Variants in PHYHD1 observed in about 807,000 individuals in gnomAD.
PHYHD1 encodes the protein phytanoyl-CoA dioxygenase domain containing 1.
A neutral mutation model predicts 43.6 loss-of-function variants in PHYHD1; 42 were observed. The ratio of observed to expected loss-of-function variants is 0.96; its 90% CI spans 0.75 to 1.25. PHYHD1 has a LOEUF of 1.25. Among genes scored for constraint, PHYHD1 ranks in the 50% most tolerant of loss-of-function variants. The probability of loss-of-function intolerance (pLI) is 0.00; values close to 1 mark genes in which losing one functional copy is unlikely to be tolerated. For synonymous variants in PHYHD1, 139 were observed against 143.6 expected, an observed-to-expected ratio of 0.97 and a Z score of 0.23; for missense variants, 342 against 370.8, an observed-to-expected ratio of 0.92 and a Z score of 0.64.
rs117196313 is a variant in PHYHD1, at chr9:128,935,921, A to T, written c.317-527A>T. Among the ~76,000 whole-genome samples, 368 of 152,222 alleles carry T rather than the reference A, an allele frequency of 2.4e-3. 7 individuals carry two copies. In the East Asian group the frequency reaches 0.041, roughly 17 times the overall value. ...CATCTCAAAACTAAATAAATAAATA[A>T]AAATAAAAAGTACATAGCTCAGTGG... On this transcript the variant is annotated intron_variant, in intron 6 of 12. Coordinates refer to ENST00000372592, the MANE Select transcript of PHYHD1 (RefSeq NM_001100876.2).
At chr9:128,922,844 C>T (rs936092929) in intron 3 of PHYHD1, among the ~76,000 whole-genome samples, 8 of 151,972 alleles carry the variant, frequency 5.3e-5, no homozygotes. Context: ...TCTGTTACAA[C>T]AGCTACCACG....
At chr9:128,936,694 C>A in intron 8 of PHYHD1, 49 bp downstream of exon 8, 1 of 1,534,450 alleles carries the variant, frequency 6.5e-7, no homozygotes, top group Non-Finnish European at 8.8e-7. Context: ...AATGGGCAGA[C>A]TGCTCATACC....
intron 4 of PHYHD1, among the ~76,000 whole-genome samples, chr9:128,932,178 A>ATTTTTT (rs200138931): frequency 1.6e-4 from 17 of 107,890 alleles, no homozygotes; most frequent in African/African-American, 6.3e-4. Flanking sequence ...TGTTATTATT[A>ATTTTTT]TTATTATTTT....
At chr9:128,922,566 T>G (rs569946978) in intron 3 of PHYHD1, among the ~76,000 whole-genome samples, 36 of 151,690 alleles carry the variant, frequency 2.4e-4, no homozygotes, top group South Asian at 1.9e-3. Flanking sequence ...TAGGGTGGGG[T>G]GGGGACGTGT....
rs902350479 is a variant in PHYHD1, at chr9:128,932,988, C to T, written c.193-794C>T. 2.6e-4 allele frequency among the ~76,000 whole-genome samples: 40 copies of T among 151,196 alleles called. No individual in the cohort carries two copies. The East Asian group carries it at 3.9e-3, about 15-fold the overall frequency. On this transcript the variant is annotated intron_variant, in intron 4 of 12. Transcript: ENST00000372592. ...TCAGCCTCCGGAGTAGCTGGGACTA[C>T]AGGTGCCTGCCACCATGCCCGGCTA...
rs762747886 is a variant in PHYHD1 at position 128,936,455 on chromosome 9, C to A, written c.324C>A (p.His108Gln). Reference protein sequence around the residue: ...KSINKIGHALHAHDPVFKSIT... With the variant: ...KSINKIGHALQAHDPVFKSIT... ...CTTCCTTCTGTCCCATAGCTCTGCACGCCCACGACCCCGTCTTCAAGAGCA... is the reference window on the plus strand; with the variant it reads ...CTTCCTTCTGTCCCATAGCTCTGCAAGCCCACGACCCCGTCTTCAAGAGCA... Residue 108 changes from histidine (H) to glutamine (Q), a missense_variant, in exon 7 of 13, where the codon CAC (histidine) becomes CAA (glutamine). By Grantham distance (24) the His-to-Gln change is conservative. Coordinates refer to ENST00000372592, the MANE Select transcript of PHYHD1 (RefSeq NM_001100876.2). The A allele has an allele frequency of 2.5e-6, 4 of 1,612,306 alleles. No homozygotes were observed. The highest frequency in any genetic ancestry group is 3.4e-6 in the Non-Finnish European group (4 of 1,179,470).
intron 3 of PHYHD1, among the ~76,000 whole-genome samples, chr9:128,923,507 G>T (rs2131093359): frequency 6.6e-6 from 1 of 152,330 alleles, no homozygotes; most frequent in African/African-American, 2.4e-5. Context: ...TCTTTGAGAG[G>T]AAATATGTTT....
At chr9:128,922,627 T>C (rs1820291562) in intron 3 of PHYHD1, among the ~76,000 whole-genome samples, 1 of 152,118 alleles carries the variant, frequency 6.6e-6, no homozygotes, top group Admixed American at 6.5e-5. Flanking sequence ...AGTTCAGCCC[T>C]GGGCGGGAGT....
Position 128,927,240 on chromosome 9 carries a change from G to A in PHYHD1, c.192+44G>A, listed in dbSNP as rs576717532. 57 of 1,608,666 alleles carry A rather than the reference G, an allele frequency of 3.5e-5. No homozygotes were observed. The South Asian group carries it at 5.8e-4, about 16-fold the overall frequency. On this transcript the variant is annotated intron_variant, in intron 4 of 12. Transcript: ENST00000372592. ...TGAGGATGGGATGTGGCTTTTGAGG[G>A]AGGGCTTGGTCCCCGGCCAGAGCAG...
chr9:128,924,558 G>A (rs1020285892), intron 3 of PHYHD1, among the ~76,000 whole-genome samples: 1 of 151,614 alleles, frequency 6.6e-6, no homozygotes, highest in African/African-American at 2.4e-5. Context: ...GCTGCAATGA[G>A]CTATGATCAC....
intron 8 of PHYHD1, among the ~76,000 whole-genome samples, chr9:128,936,877 G>T (rs190698876): frequency 8.5e-5 from 13 of 152,280 alleles, no homozygotes; most frequent in African/African-American, 2.6e-4. Flanking sequence ...CACTTTGGGA[G>T]GCTGAAGCGG....
At chr9:128,934,361 C>T (rs1352389826) in intron 6 of PHYHD1, among the ~76,000 whole-genome samples, 5 of 150,730 alleles carry the variant, frequency 3.3e-5, no homozygotes, top group Non-Finnish European at 5.9e-5. Context: ...GCACTCCAGC[C>T]TGCCTGGGTG....
chr9:128,924,988 G>A (rs1372075906), intron 3 of PHYHD1, among the ~76,000 whole-genome samples: 1 of 152,180 alleles, frequency 6.6e-6, no homozygotes, highest in African/African-American at 2.4e-5. Flanking sequence ...TGTATTTACT[G>A]GATCAAGGGT....
intron 3 of PHYHD1, among the ~76,000 whole-genome samples, chr9:128,925,705 T>C (rs1841115429): frequency 1.3e-5 from 2 of 152,068 alleles, no homozygotes; most frequent in Non-Finnish European, 2.9e-5. Context: ...GGATAGAATA[T>C]AGCTCCCAGC....
intron 3 of PHYHD1, among the ~76,000 whole-genome samples, chr9:128,923,314 C>T (rs1005286965): frequency 1.3e-5 from 2 of 152,078 alleles, no homozygotes; most frequent in Non-Finnish European, 2.9e-5. Context: ...TGGGCTAAAG[C>T]GATCCTCCTG....
intron 3 of PHYHD1, among the ~76,000 whole-genome samples, chr9:128,925,504 G>A (rs1037234899): frequency 2.0e-5 from 3 of 152,028 alleles, no homozygotes; most frequent in Non-Finnish European, 4.4e-5. Flanking sequence ...GGGATTATAG[G>A]TGTGAGCCAC....
intron 3 of PHYHD1, among the ~76,000 whole-genome samples, chr9:128,922,936 C>CTTTTTTTT (rs59238657): frequency 1.1e-5 from 1 of 90,676 alleles, no homozygotes; most frequent in Non-Finnish European, 2.1e-5. Context: ...ATGCCCAGCT[C>CTTTTTTTT]TTTTTTTTTT....
chr9:128,933,673 G>A lies in PHYHD1; in HGVS notation c.193-109G>A, dbSNP rs1841353477. Reference sequence around the variant, plus strand: ...GACAAGTCTGAGAAGCCCCCAGGGTGTCTGTAACCCTGTGAGGGTGGGAAG... The same window carrying A: ...GACAAGTCTGAGAAGCCCCCAGGGTATCTGTAACCCTGTGAGGGTGGGAAG... On this transcript the variant is annotated intron_variant, in intron 4 of 12. Coordinates refer to ENST00000372592, the MANE Select transcript of PHYHD1 (RefSeq NM_001100876.2). 6 of 1,185,408 alleles carry A rather than the reference G, an allele frequency of 5.1e-6. No individual in the cohort carries two copies. The South Asian group carries it at 7.3e-5, about 14-fold the overall frequency. 73.4% of individuals were successfully genotyped at this position (1,185,408 alleles called of 1,614,324 possible).
In PHYHD1 at chr9:128,936,435, T is replaced by C; in HGVS notation, c.317-13T>C. ...GCCTGAGATGGGGCCGACAGCTTCC[T>C]TCTGTCCCATAGCTCTGCACGCCCA... On this transcript the variant is annotated splice_polypyrimidine_tract_variant and intron_variant, in intron 6 of 12. Coordinates refer to ENST00000372592, the MANE Select transcript of PHYHD1 (RefSeq NM_001100876.2). 1 of 1,609,430 alleles carries C rather than the reference T, an allele frequency of 6.2e-7. No homozygotes were observed. The highest frequency in any genetic ancestry group is 8.5e-7 in the Non-Finnish European group (1 of 1,178,148).
Sources: allele counts gnomAD v4.1 joint callset (sites outside exome capture counted in the v4.1 genomes callset), GRCh38; gene constraint gnomAD v4.1.1; transcripts MANE v1.5; gene names NCBI Gene and HGNC (gene_info 2026-07-23, HGNC 2026-07-21).